Variants in C19orf38 observed in about 807,000 individuals in gnomAD.
The protein encoded by C19orf38 is protein HIDE1.
A neutral mutation model predicts 26.6 loss-of-function variants in C19orf38; 14 were observed. The observed-to-expected ratio is 0.53, with a 90% CI of 0.35 to 0.82. The LOEUF (loss-of-function observed/expected upper bound fraction) is 0.82. Among genes scored for constraint, C19orf38 ranks in the 40% least tolerant of loss-of-function variants. The probability of loss-of-function intolerance (pLI) is 0.01; values close to 1 mark genes in which losing one functional copy is unlikely to be tolerated. For synonymous variants in C19orf38, 132 were observed against 128.5 expected (o/e 1.03, Z -0.18); for missense variants, 261 against 299.5 (o/e 0.87, Z 0.95).
chr19:10,856,127 A>C, intron 2 of C19orf38, 138 bp from the exon 3 acceptor site: 1 of 642,164 alleles, frequency 1.6e-6, no homozygotes, highest in Non-Finnish European at 2.7e-6. Flanking sequence ...TTGGCCAGAC[A>C]CAAAGTTTGC....
intron 6 of C19orf38, among the ~76,000 whole-genome samples, 165 bp from the exon 7 acceptor site, chr19:10,869,053 A>G (rs2073778212): frequency 6.7e-6 from 1 of 148,714 alleles, no homozygotes; most frequent in Admixed American, 6.7e-5. Context: ...AGTTTAGCAG[A>G]GAGGAAGGCA....
chr19:10,864,949 T>C (rs1049124183), intron 6 of C19orf38, among the ~76,000 whole-genome samples: 1 of 151,998 alleles, frequency 6.6e-6, no homozygotes, highest in Non-Finnish European at 1.5e-5. Flanking sequence ...TAGGAGTGCC[T>C]GGGATACAGA....
intron 5 of C19orf38, 73 bp downstream of exon 5, chr19:10,860,031 C>T (rs1746226429): frequency 3.5e-6 from 5 of 1,423,602 alleles, no homozygotes; most frequent in Non-Finnish European, 4.8e-6. Context: ...CCTCATCACA[C>T]ACCAATCAAA....
intron 1 of C19orf38, among the ~76,000 whole-genome samples, chr19:10,841,011 AG>A (rs2146237695): frequency 6.6e-6 from 1 of 150,652 alleles, no homozygotes; most frequent in South Asian, 2.1e-4. Flanking sequence ...CCAAATGATT[AG>A]TAAGGTTGAG....
intron 5 of C19orf38, among the ~76,000 whole-genome samples, chr19:10,860,380 A>G (rs1194556667): frequency 2.6e-5 from 4 of 151,592 alleles, no homozygotes; most frequent in African/African-American, 9.7e-5. Flanking sequence ...AAAAATACAA[A>G]AAAATTAGCA....
At position 10,843,159 on chromosome 19, in the gene C19orf38, C is replaced by G. The variant is rs147986137; in HGVS notation, c.-68-5282C>G. On this transcript the variant is annotated intron_variant, in intron 1 of 7. Transcript: ENST00000592854. Reference sequence around the variant, plus strand: ...AAAAGGTTAAAGCGAAGACACCACTCAAAGGTGGGTCCAACAGTATAGAAA... The same window carrying G: ...AAAAGGTTAAAGCGAAGACACCACTGAAAGGTGGGTCCAACAGTATAGAAA... 4.9e-3 allele frequency among the ~76,000 whole-genome samples: 748 copies of G among 152,216 alleles called. 9 individuals carry two copies. Among genetic ancestry groups the G allele is most frequent in the African/African-American group, 0.017 (722 of 41,532 alleles).
intron 4 of C19orf38, 91 bp from the exon 5 acceptor site, chr19:10,859,824 G>A: frequency 8.4e-7 from 1 of 1,189,812 alleles, no homozygotes; most frequent in South Asian, 1.3e-5. Context: ...TACATTTTGG[G>A]TGTGGTTTGG....
rs1018080557 is a variant in C19orf38, at chr19:10,868,548, T to G, written c.544-670T>G. Among the ~76,000 whole-genome samples, 69 of 152,330 alleles carry G rather than the reference T, an allele frequency of 4.5e-4. 1 individual carries two copies. Among genetic ancestry groups the G allele is most frequent in the African/African-American group, 1.6e-3 (67 of 41,576 alleles). Reference sequence around the variant, plus strand: ...TATTTTTTTGAGACCAAGTCTCACTTTGTTCCCCAGGCTGGAGAGGAGTGG... The same window carrying G: ...TATTTTTTTGAGACCAAGTCTCACTGTGTTCCCCAGGCTGGAGAGGAGTGG... On this transcript the variant is annotated intron_variant, in intron 6 of 6. Transcript: ENST00000397820.
At chr19:10,839,062 C>T (rs1419719475) in intron 1 of C19orf38, among the ~76,000 whole-genome samples, 1 of 152,010 alleles carries the variant, frequency 6.6e-6, no homozygotes, top group African/African-American at 2.4e-5. Context: ...CCTGCCACCA[C>T]GCCCAACTAA....
At chr19:10,848,376 C>G, upstream of C19orf38, 1 of 952,722 alleles carries the variant, frequency 1.0e-6, no homozygotes, top group South Asian at 1.5e-5. Context: ...CAACTTCCTG[C>G]CAGTGAGGAA....
chr19:10,856,104 G>A lies in C19orf38; in HGVS notation c.341-161G>A, dbSNP rs190142790. ...GAACCAATCACAATAGCCAGGAGCG[G>A]GGGATAGGCTAATTGGCCAGACACA... On this transcript the variant is annotated intron_variant, in intron 2 of 6. Transcript: ENST00000397820. Among the ~76,000 whole-genome samples the A allele has an allele frequency of 1.1e-3, 175 of 152,272 alleles. 3 individuals carry two copies. Among genetic ancestry groups the A allele is most frequent in the Admixed American group, 9.9e-3 (151 of 15,282 alleles).
intron 6 of C19orf38, among the ~76,000 whole-genome samples, chr19:10,866,670 A>G (rs920729010): frequency 6.7e-5 from 10 of 149,696 alleles, no homozygotes; most frequent in Non-Finnish European, 1.5e-4. Flanking sequence ...TTTTTTGGAG[A>G]CGGAGTTTCG....
chr19:10,860,607 C>T (rs1455206983), intron 5 of C19orf38, among the ~76,000 whole-genome samples: 16 of 143,076 alleles, frequency 1.1e-4, no homozygotes, highest in Non-Finnish European at 2.3e-4. Flanking sequence ...TTTGGGAGGC[C>T]GAGGTGGGCG....
intron 1 of C19orf38, among the ~76,000 whole-genome samples, chr19:10,843,010 G>A (rs960475907): frequency 9.9e-5 from 15 of 152,154 alleles, no homozygotes; most frequent in African/African-American, 4.8e-5. Flanking sequence ...TTTTTTGAGC[G>A]ACAGAACAGC....
At chr19:10,857,366 A>ATATATATATTTTTTTT (rs1433358051) in intron 3 of C19orf38, among the ~76,000 whole-genome samples, 3 of 56,100 alleles carry the variant, frequency 5.3e-5, no homozygotes, top group African/African-American at 5.2e-4. Flanking sequence ...ATATATATAT[A>ATATATATATTTTTTTT]TTTTTTTTTT....
chr19:10,854,480 A>G (rs547625133), intron 2 of C19orf38, among the ~76,000 whole-genome samples: 8 of 152,260 alleles, frequency 5.3e-5, no homozygotes, highest in African/African-American at 1.4e-4. Flanking sequence ...AGGCTCCTCT[A>G]TCAAAGGCCC....
chr19:10,868,003 G>C (rs1205761215), intron 6 of C19orf38, among the ~76,000 whole-genome samples: 2 of 152,114 alleles, frequency 1.3e-5, no homozygotes, highest in African/African-American at 4.8e-5. Flanking sequence ...GATACACCAA[G>C]TTTTGTTGAT....
rs779753450 is a variant in C19orf38 at position 10,850,367 on chromosome 19, C to T, written c.140C>T (p.Ala47Val). The T allele has an allele frequency of 3.9e-6, 6 of 1,550,888 alleles. No homozygotes were observed. In the South Asian group the frequency reaches 4.8e-5, roughly 12 times the overall value. The change falls in exon 2 of 7, where the codon GCG becomes GTG. Residue 47 changes from alanine to valine, a missense_variant. Transcript: ENST00000397820. ...ACMAPGNFPG[A>V]NFTLYRGGQV... ...ATGGCCCCTGGGAACTTCCCGGGGGCGAATTTCACACTGTATCGAGGGGGG... is the reference window on the plus strand; with the variant it reads ...ATGGCCCCTGGGAACTTCCCGGGGGTGAATTTCACACTGTATCGAGGGGGG...
intron 5 of C19orf38, 52 bp downstream of exon 5, chr19:10,860,010 A>T (rs965286490): frequency 1.2e-5 from 18 of 1,501,168 alleles, no homozygotes; most frequent in Non-Finnish European, 1.5e-5. Flanking sequence ...ACACCTCCAA[A>T]TGCCATCAGG....
Sources: allele counts gnomAD v4.1 joint callset (sites outside exome capture counted in the v4.1 genomes callset), GRCh38; gene constraint gnomAD v4.1.1; transcripts MANE v1.5; gene names NCBI Gene and HGNC (gene_info 2026-07-23, HGNC 2026-07-21).